The following KCNMA1 variants were observed in gnomAD, a reference collection of about 807,000 sequenced individuals.
KCNMA1 encodes potassium calcium-activated channel subfamily M alpha 1, also known as Calcium-activated potassium channel subunit alpha-1.
A neutral mutation model predicts 140.0 loss-of-function variants in KCNMA1; 29 were observed. The ratio of observed to expected loss-of-function variants is 0.21; its 90% confidence interval spans 0.15 to 0.28. The LOEUF (loss-of-function observed/expected upper bound fraction) is 0.28, where lower values mean the gene tolerates loss of function less well. Ranked by LOEUF, KCNMA1 falls within the 10% of genes least tolerant of loss-of-function variation. The pLI, the probability that KCNMA1 is intolerant of heterozygous loss-of-function variation, is 1.00. For synonymous variants in KCNMA1, 612 were observed against 611.9 expected (o/e 1.00, Z 0.00); for missense variants, 880 against 1,602.2 (o/e 0.55, Z 7.70).
At chr10:77,233,989 T>C (rs2054539398) in intron 3 of KCNMA1, among the ~76,000 whole-genome samples, 1 of 152,202 alleles carries the variant, frequency 6.6e-6, no homozygotes, top group East Asian at 1.9e-4. Context: ...TGTAACTTTT[T>C]TTAGCAACAG....
intron 20 of KCNMA1, among the ~76,000 whole-genome samples, chr10:76,965,724 T>G (rs1015037702): frequency 1.3e-5 from 2 of 152,190 alleles, no homozygotes; most frequent in Non-Finnish European, 2.9e-5. Flanking sequence ...TTTACATTTC[T>G]GTACCTCAAC....
intron 19 of KCNMA1, among the ~76,000 whole-genome samples, chr10:76,986,179 T>C (rs17388160): frequency 0.25 from 37,836 of 152,120 alleles, 5,886 homozygotes; most frequent in East Asian, 0.6. Flanking sequence ...GGGAAGCCCA[T>C]TCTAATTCCA....
At chr10:77,611,056 C>T in intron 1 of KCNMA1, among the ~76,000 whole-genome samples, 1 of 152,226 alleles carries the variant, frequency 6.6e-6, no homozygotes, top group East Asian at 1.9e-4. Flanking sequence ...GGGTGATAAT[C>T]ATGCCAATTT....
At chr10:77,110,134 G>A (rs750299642) in intron 8 of KCNMA1, 39 bp downstream of exon 8, 2 of 1,505,562 alleles carry the variant, frequency 1.3e-6, no homozygotes, top group Non-Finnish European at 1.8e-6. Flanking sequence ...AATATTAACA[G>A]CCATCAAAAT....
Position 77,226,869 on chromosome 10 carries a change from G to A in KCNMA1, c.602+24326C>T, listed in dbSNP as rs1292571337. Among the ~76,000 whole-genome samples, 8 of 152,154 alleles carry A rather than the reference G, an allele frequency of 5.3e-5. No homozygotes were observed. In the East Asian group the frequency reaches 1.5e-3, roughly 29 times the overall value. On this transcript the variant is annotated intron_variant, in intron 3 of 27. Transcript: ENST00000286628. ...TTGTTCAGTCTCTATTTTACTAATA[G>A]CCAAAAACCAGAAGAGTAGTTGTAG... is the stretch of plus-strand genomic sequence containing the variant.
rs181710035 is a variant in KCNMA1 at position 77,261,735 on chromosome 10, T to C, written c.541-10479A>G. ...GTTGCTTTTTGCATAATTTTACCAA[T>C]GACATTAAAACCGATGCACTGGCAA... is the stretch of plus-strand genomic sequence containing the variant. On this transcript the variant is annotated intron_variant, in intron 2 of 27. Transcript: ENST00000286628. 2.6e-5 allele frequency among the ~76,000 whole-genome samples: 4 copies of C among 152,290 alleles called. No homozygotes were observed. In the East Asian group the frequency reaches 7.7e-4, roughly 29 times the overall value.
intron 16 of KCNMA1, among the ~76,000 whole-genome samples, chr10:77,024,317 C>T (rs7922133): frequency 0.55 from 83,339 of 151,890 alleles, 25,340 homozygotes; most frequent in Middle Eastern, 0.72. Flanking sequence ...GAAGCCACCT[C>T]TATTTATACA....
intron 20 of KCNMA1, among the ~76,000 whole-genome samples, chr10:76,962,918 T>G (rs1247123380): frequency 6.6e-6 from 1 of 152,196 alleles, no homozygotes; most frequent in Non-Finnish European, 1.5e-5. Flanking sequence ...TTGCAACAAT[T>G]TGTTTTTGAA....
At chr10:77,494,001 G>A (rs10824549) in intron 1 of KCNMA1, 37,677 of 152,038 alleles carry the variant, frequency 0.25, 4,923 homozygotes, top group East Asian at 0.53. Flanking sequence ...TGGGAATTTC[G>A]GCTGCCCCTG....
At chr10:77,566,626 C>A (rs568574517) in intron 1 of KCNMA1, among the ~76,000 whole-genome samples, 15 of 152,192 alleles carry the variant, frequency 9.9e-5, no homozygotes, top group Non-Finnish European at 2.9e-5. Context: ...GGGTAGAATT[C>A]CATTGCCATA....
chr10:77,169,136 C>T (rs1237431824), intron 5 of KCNMA1, among the ~76,000 whole-genome samples: 1 of 152,056 alleles, frequency 6.6e-6, no homozygotes, highest in Non-Finnish European at 1.5e-5. Context: ...AGGCAAGTAA[C>T]AGGATAATAA....
intron 25 of KCNMA1, among the ~76,000 whole-genome samples, chr10:76,893,487 G>T (rs2151930549): frequency 6.6e-6 from 1 of 152,242 alleles, no homozygotes; most frequent in Middle Eastern, 3.4e-3. Context: ...CCAGAACTTT[G>T]GTAGGCCAAG....
chr10:77,637,368 G>A lies in KCNMA1; in HGVS notation c.275C>T (p.Ala92Val), dbSNP rs765858133. ...RGQRMWWAFL[A>V]SSMVTFFGGL... is the part of the protein sequence containing the mutation. ...CCCGAAGAAAGTCACCATGGAGGAGGCCAGGAAAGCCCACCACATGCGTTG... is the reference window on the plus strand; with the variant it reads ...CCCGAAGAAAGTCACCATGGAGGAGACCAGGAAAGCCCACCACATGCGTTG... The change falls in exon 1 of 28, where the codon GCC becomes GTC. Residue 92 changes from alanine (A) to valine (V), a missense_variant. Physicochemically the swap from Ala to Val is moderately conservative, Grantham distance 64. This residue lies in a region of KCNMA1 where 31 missense variants were observed against 75.0 expected (regional missense o/e 0.41). Coordinates refer to ENST00000286628, the MANE Select transcript of KCNMA1 (RefSeq NM_001161352.2). The A allele has an allele frequency of 6.2e-7, 1 of 1,613,908 alleles. No individual in the cohort carries two copies. The highest frequency in any genetic ancestry group is 1.3e-5 in the African/African-American group (1 of 75,042).
At chr10:77,636,357 A>G in intron 1 of KCNMA1, 1 of 1,531,810 alleles carries the variant, frequency 6.5e-7, no homozygotes, top group Middle Eastern at 1.7e-4. Flanking sequence ...CGCCAGCCTC[A>G]GTGCCGGTGG....
rs1448072518 is a variant in KCNMA1, at chr10:77,201,849, A to T, written c.603-16933T>A. 2.0e-5 allele frequency among the ~76,000 whole-genome samples: 3 copies of T among 152,286 alleles called. No individual in the cohort carries two copies. In the East Asian group the frequency reaches 5.8e-4, roughly 29 times the overall value. ...CAAAAAAAAAAAAGTGCTTGTAAAAACTGGCAAAACATCTGTACTTGAGTT... is the reference window on the plus strand; with the variant it reads ...CAAAAAAAAAAAAGTGCTTGTAAAATCTGGCAAAACATCTGTACTTGAGTT... On this transcript the variant is annotated intron_variant, in intron 3 of 27. Coordinates refer to ENST00000286628, the MANE Select transcript of KCNMA1 (RefSeq NM_001161352.2).
At chr10:77,469,739 A>C (rs2098112468) in intron 1 of KCNMA1, among the ~76,000 whole-genome samples, 1 of 152,174 alleles carries the variant, frequency 6.6e-6, no homozygotes, top group South Asian at 2.1e-4. Context: ...TGGTAATTAA[A>C]ATCAAGGTCA....
intron 1 of KCNMA1, among the ~76,000 whole-genome samples, chr10:77,563,199 T>C (rs2719996): frequency 0.71 from 107,551 of 151,648 alleles, 38,908 homozygotes; most frequent in South Asian, 0.86. Flanking sequence ...CTAGCACTAA[T>C]AGTGTTCACA....
chr10:77,551,039 C>T (rs981702331), intron 1 of KCNMA1, among the ~76,000 whole-genome samples: 1 of 152,046 alleles, frequency 6.6e-6, no homozygotes, highest in African/African-American at 2.4e-5. Context: ...GCTATGTTGC[C>T]CAGGTTGCTC....
intron 19 of KCNMA1, among the ~76,000 whole-genome samples, chr10:76,995,892 T>A (rs540438348): frequency 2.0e-5 from 3 of 152,288 alleles, no homozygotes; most frequent in Admixed American, 2.0e-4. Context: ...AAGGACCCTG[T>A]CAGCTTCCCT....
Sources: allele counts gnomAD v4.1 joint callset (sites outside exome capture counted in the v4.1 genomes callset), GRCh38; gene constraint gnomAD v4.1.1; regional missense constraint gnomAD v4.1.1; transcripts MANE v1.5; gene names NCBI Gene and HGNC (gene_info 2026-07-23, HGNC 2026-07-21).